The following COX19 variants were observed in gnomAD, a reference collection of about 807,000 sequenced individuals.
COX19 encodes the protein cytochrome c oxidase assembly factor COX19.
A neutral mutation model predicts 6.8 loss-of-function variants in COX19; 8 were observed. The ratio of observed to expected loss-of-function variants is 1.18; its 90% confidence interval spans 0.69 to 2.12. The LOEUF (loss-of-function observed/expected upper bound fraction) is 2.12, where lower values mean the gene tolerates loss of function less well. Ranked by LOEUF, COX19 falls within the 30% of genes most tolerant of loss-of-function variation. The pLI is 0.00. For missense variants in COX19, 131 were observed against 104.6 expected, an observed-to-expected ratio of 1.25 and a Z score of -1.10; for synonymous variants, 51 against 38.0, an observed-to-expected ratio of 1.34 and a Z score of -1.26.
At chr7:970,151 C>A (rs1031339057) in intron 2 of COX19, among the ~76,000 whole-genome samples, 38 of 151,326 alleles carry the variant, frequency 2.5e-4, no homozygotes, top group Middle Eastern at 3.2e-3. Flanking sequence ...CTTTTTTTCT[C>A]CCAGAAACAG....
rs1260751300 is a variant in COX19, at chr7:966,414, A to G, written c.*2964T>C. 1 of 152,282 alleles carries G rather than the reference A, an allele frequency of 6.6e-6. No individual in the cohort carries two copies. Among genetic ancestry groups the G allele is most frequent in the Non-Finnish European group, 1.5e-5 (1 of 68,130 alleles). The allele number at this position is 152,282 out of a possible 1,614,324, so 9.4% of individuals were successfully genotyped here. On this transcript the variant is annotated 3_prime_UTR_variant, in exon 3 of 3. Coordinates refer to ENST00000344111, the MANE Select transcript of COX19 (RefSeq NM_001031617.3). ...AGTGATCCTCCCACCTTGGCCTCCT[A>G]AAGTGCTGGGATTGCAGGCGTGAGC... is the stretch of plus-strand genomic sequence containing the variant.
At chr7:973,841 C>G (rs903430400) in intron 1 of COX19, among the ~76,000 whole-genome samples, 5 of 151,890 alleles carry the variant, frequency 3.3e-5, no homozygotes, top group African/African-American at 1.2e-4. Flanking sequence ...TGGCGGGTGT[C>G]TGTAGTCCCA....
chr7:970,093 C>A (rs1272951149), intron 2 of COX19, among the ~76,000 whole-genome samples: 1 of 152,006 alleles, frequency 6.6e-6, no homozygotes, highest in Non-Finnish European at 1.5e-5. Context: ...GCCTCAGCCT[C>A]CTGGGTAGCT....
At chr7:975,069 G>A (rs1847686037) in intron 1 of COX19, 1 of 240,136 alleles carries the variant, frequency 4.2e-6, no homozygotes, top group Admixed American at 5.7e-5. Flanking sequence ...ACATCGCTAG[G>A]CACCGTCTAA....
chr7:965,484 G>A lies in COX19; in HGVS notation c.*3894C>T, dbSNP rs1280026405. Among the ~76,000 whole-genome samples the A allele has an allele frequency of 2.6e-5, 4 of 152,162 alleles. No homozygotes were observed. Among genetic ancestry groups the A allele is most frequent in the African/African-American group, 4.8e-5 (2 of 41,434 alleles). The stretch of plus-strand genomic sequence containing the variant: ...CTCAGGGACGCCCCCAGGTCGGTGC[G>A]GCCTGTGCGGCTCGCTCCCGGCGGT... On this transcript the variant is annotated 3_prime_UTR_variant, in exon 3 of 3. Transcript: ENST00000344111.
chr7:974,376 G>C (rs1386684849), intron 1 of COX19, among the ~76,000 whole-genome samples: 1 of 152,132 alleles, frequency 6.6e-6, no homozygotes, highest in Non-Finnish European at 1.5e-5. Flanking sequence ...GCTTCAGTGA[G>C]CTATGATTGC....
At position 967,579 on chromosome 7, in the gene COX19, C is replaced by G. The variant is rs931946007; in HGVS notation, c.*1799G>C. On this transcript the variant is annotated 3_prime_UTR_variant, in exon 3 of 3. Coordinates refer to ENST00000344111, the MANE Select transcript of COX19 (RefSeq NM_001031617.3). ...GGCCTGGGCACTCCCGACGGCGGGT[C>G]AGAGTGCGATGGGAAGAGGCCCCGG... The G allele has an allele frequency of 6.6e-6, 1 of 152,252 alleles. No homozygotes were observed. Among genetic ancestry groups the G allele is most frequent in the Non-Finnish European group, 1.5e-5 (1 of 68,056 alleles). 9.4% of individuals were successfully genotyped at this position (152,252 alleles called of 1,614,324 possible). A position where few individuals can be genotyped will look rare whatever the true frequency, so the allele number is the denominator to read the frequency against.
At position 973,195 on chromosome 7, in the gene COX19, T is replaced by C; in HGVS notation, c.180A>G (p.Glu60=). 6.3e-7 allele frequency: 1 copy of C among 1,597,878 alleles called. No individual in the cohort carries two copies. Among genetic ancestry groups the C allele is most frequent in the Non-Finnish European group, 8.5e-7 (1 of 1,172,732 alleles). The change falls in exon 2 of 3, where the codon GAA becomes GAG. Residue 60 remains glutamate, a synonymous_variant. Coordinates refer to ENST00000344111, the MANE Select transcript of COX19 (RefSeq NM_001031617.3). ...GCTGTACTCACCTCTCCATCCTGCATTCTAAATATTCTTTTGATTCCTTTC... is the reference window on the plus strand; with the variant it reads ...GCTGTACTCACCTCTCCATCCTGCACTCTAAATATTCTTTTGATTCCTTTC... ...LCRKESKEYL[E]CRMERKLMLQ...
chr7:974,655 T>C (rs949533401), intron 1 of COX19, among the ~76,000 whole-genome samples: 3 of 152,000 alleles, frequency 2.0e-5, no homozygotes, highest in African/African-American at 4.8e-5. Flanking sequence ...GTTTTTCTTT[T>C]CTTTTCTTTC....
chr7:965,481 T>C lies in COX19; in HGVS notation c.*3897A>G, dbSNP rs535954171. On this transcript the variant is annotated 3_prime_UTR_variant, in exon 3 of 3. Coordinates refer to ENST00000344111, the MANE Select transcript of COX19 (RefSeq NM_001031617.3). ...GCCCTCAGGGACGCCCCCAGGTCGG[T>C]GCGGCCTGTGCGGCTCGCTCCCGGC... Among the ~76,000 whole-genome samples the C allele has an allele frequency of 1.3e-5, 2 of 152,296 alleles. No individual in the cohort carries two copies. Among genetic ancestry groups the C allele is most frequent in the East Asian group, 3.9e-4 (2 of 5,180 alleles).
At position 969,035 on chromosome 7, in the gene COX19, C is replaced by T. The variant is rs1847598688; in HGVS notation, c.*343G>A. 1 of 209,768 alleles carries T rather than the reference C, an allele frequency of 4.8e-6. No homozygotes were observed. The highest frequency in any genetic ancestry group is 2.3e-5 in the African/African-American group (1 of 43,242). The allele number at this position is 209,768 out of a possible 1,614,324, so 13.0% of individuals were successfully genotyped here. On this transcript the variant is annotated 3_prime_UTR_variant, in exon 3 of 3. Transcript: ENST00000344111. ...TGTTCAGAAGGGACTGAAATTTATA[C>T]ATTTACCTCTTTGAACTCAGAAAGT...
At chr7:971,247 A>T (rs1000983091) in intron 2 of COX19, among the ~76,000 whole-genome samples, 4 of 152,366 alleles carry the variant, frequency 2.6e-5, no homozygotes, top group Admixed American at 2.6e-4. Flanking sequence ...CACGGTGGTC[A>T]TCTGAAACAC....
At chr7:971,101 C>A (rs1260135494) in intron 2 of COX19, among the ~76,000 whole-genome samples, 3 of 152,232 alleles carry the variant, frequency 2.0e-5, no homozygotes, top group Non-Finnish European at 4.4e-5. Context: ...TCCCATGAGG[C>A]CCCCACACAC....
chr7:969,777 A>T (rs1277244797), intron 2 of COX19, among the ~76,000 whole-genome samples: 1 of 152,162 alleles, frequency 6.6e-6, no homozygotes, highest in Non-Finnish European at 1.5e-5. Context: ...GTATCTGGAC[A>T]ACAGCTTCAC....
Position 973,311 on chromosome 7 carries a change from C to A in COX19, c.83-19G>T. 6.4e-7 allele frequency: 1 copy of A among 1,566,146 alleles called. No homozygotes were observed. The highest frequency in any genetic ancestry group is 1.2e-5 in the South Asian group (1 of 84,062). ...CATTCACCTAGAACGAGAAAGAAAA[C>A]AGCATGTTCTTTTCAGAGTGAAAAG... On this transcript the variant is annotated intron_variant, in intron 1 of 2. Transcript: ENST00000344111.
In COX19 at chr7:966,147, CT is replaced by C. The variant is rs11291741; in HGVS notation, c.*3230del. ...CCCATTACAATAATTAATTTTCTTT[CT>C]TTTTTTTTTTTTTTTTTCCTTTGGT... On this transcript the variant is annotated 3_prime_UTR_variant, in exon 3 of 3. Transcript: ENST00000344111. 67,856 of 130,008 alleles carry C rather than the reference CT, an allele frequency of 0.52. 16,048 individuals carry two copies. Among genetic ancestry groups the C allele is most frequent in the African/African-American group, 0.59 (20,253 of 34,568 alleles). 8.1% of individuals were successfully genotyped at this position (130,008 alleles called of 1,614,324 possible).
In COX19 at chr7:975,524, A is replaced by C. The variant is rs376293160; in HGVS notation, c.-15T>G. The C allele has an allele frequency of 9.4e-5, 150 of 1,597,772 alleles. No individual in the cohort carries two copies. Among genetic ancestry groups the C allele is most frequent in the Non-Finnish European group, 1.2e-4 (141 of 1,173,548 alleles). On this transcript the variant is annotated 5_prime_UTR_variant, in exon 1 of 3. Coordinates refer to ENST00000344111, the MANE Select transcript of COX19 (RefSeq NM_001031617.3). ...GCGGTCGACATGTTGGCGACTCCGGAGTCTGCGAGCGCCTTGCGAGCGTAC... is the reference window on the plus strand; with the variant it reads ...GCGGTCGACATGTTGGCGACTCCGGCGTCTGCGAGCGCCTTGCGAGCGTAC...
chr7:970,921 C>T (rs762493352), intron 2 of COX19, among the ~76,000 whole-genome samples: 28 of 152,112 alleles, frequency 1.8e-4, no homozygotes, highest in Non-Finnish European at 2.9e-4. Flanking sequence ...ATCTTAGAGG[C>T]GTGAAATTCA....
At chr7:975,378 A>C in intron 1 of COX19, 50 bp downstream of exon 1, 1 of 1,441,492 alleles carries the variant, frequency 6.9e-7, no homozygotes, top group Non-Finnish European at 9.5e-7. Flanking sequence ...CTGGGCCGCG[A>C]CCCAGACCCC....
Sources: allele counts gnomAD v4.1 joint callset (sites outside exome capture counted in the v4.1 genomes callset), GRCh38; gene constraint gnomAD v4.1.1; transcripts MANE v1.5; gene names NCBI Gene and HGNC (gene_info 2026-07-23, HGNC 2026-07-21).